APBB2: variants seen among roughly 807,000 people sequenced by gnomAD.
The protein encoded by APBB2 is Fe65-like 1.
In APBB2, 38 loss-of-function variants were observed where a neutral mutation model predicts 82.5. The observed-to-expected ratio is 0.46, with a 90% CI of 0.36 to 0.60. The LOEUF is 0.60. Ranked by LOEUF, APBB2 falls within the 20% of genes least tolerant of loss-of-function variation. The pLI is 0.00. For synonymous variants in APBB2, 341 were observed against 368.2 expected, an observed-to-expected ratio of 0.93 and a Z score of 0.85; for missense variants, 772 against 972.3, an observed-to-expected ratio of 0.79 and a Z score of 2.74.
chr4:40,822,141 AGCCAG>A, intron 16 of APBB2, 91 bp from the exon 17 acceptor site: 1 of 1,454,340 alleles, frequency 6.9e-7, no homozygotes, highest in East Asian at 2.3e-5. Context: ...CAGAAAGTAT[AGCCAG>A]GCCGAATTCA....
chr4:41,071,179 T>C (rs1333324860), intron 3 of APBB2, among the ~76,000 whole-genome samples: 2 of 152,238 alleles, frequency 1.3e-5, no homozygotes, highest in African/African-American at 4.8e-5. Context: ...TGCTTAAGCA[T>C]TTCCTGCTGT....
chr4:40,933,066 G>A (rs1319474442), intron 10 of APBB2, among the ~76,000 whole-genome samples: 1 of 152,208 alleles, frequency 6.6e-6, no homozygotes, highest in Non-Finnish European at 1.5e-5. Context: ...GTTTCACCAT[G>A]TTGGCCAGTC....
chr4:40,943,276 C>T (rs750724675), intron 7 of APBB2, among the ~76,000 whole-genome samples: 6 of 152,212 alleles, frequency 3.9e-5, no homozygotes, highest in Non-Finnish European at 8.8e-5. Context: ...GGTGCCTTCA[C>T]ACCCTGGTGT....
intron 10 of APBB2, among the ~76,000 whole-genome samples, chr4:40,928,428 A>ACAT (rs201061451): frequency 1.8e-5 from 1 of 54,082 alleles, no homozygotes; most frequent in Admixed American, 1.4e-4. Context: ...ACACACACAC[A>ACAT]ATCAGCCAGG....
intron 6 of APBB2, among the ~76,000 whole-genome samples, chr4:40,970,867 A>G (rs1795775305): frequency 6.6e-6 from 1 of 152,046 alleles, no homozygotes; most frequent in Non-Finnish European, 1.5e-5. Flanking sequence ...GTCCAGCAAA[A>G]CCAAAGACTG....
chr4:41,062,616 G>C (rs1400066143), intron 4 of APBB2, among the ~76,000 whole-genome samples: 1 of 152,152 alleles, frequency 6.6e-6, no homozygotes, highest in Non-Finnish European at 1.5e-5. Flanking sequence ...GAAACCATGA[G>C]AGGGTACGAA....
At chr4:41,059,426 T>C (rs1728969072) in intron 4 of APBB2, among the ~76,000 whole-genome samples, 1 of 152,230 alleles carries the variant, frequency 6.6e-6, no homozygotes, top group East Asian at 1.9e-4. Context: ...GGCCATAAAC[T>C]GGCCCCAAGA....
intron 10 of APBB2, among the ~76,000 whole-genome samples, chr4:40,895,733 TCA>T (rs1425027530): frequency 2.0e-5 from 3 of 152,154 alleles, no homozygotes; most frequent in Non-Finnish European, 2.9e-5. Context: ...GTCAGTAAAA[TCA>T]CAGTGTCCCA....
chr4:41,127,258 CTTT>C lies in APBB2; in HGVS notation c.-261+15726_-261+15728del, dbSNP rs1754661785. Reference sequence around the variant, plus strand: ...ACACCAAACAACCATAATGAAAAGTCTTTTGGGGAAACCCAAAGATTTCTAAGC... The same window carrying C: ...ACACCAAACAACCATAATGAAAAGTCTGGGGAAACCCAAAGATTTCTAAGC... On this transcript the variant is annotated intron_variant, in intron 2 of 17. Transcript: ENST00000508593. This position sits in a 1 kb window ranked among gnomAD's most constrained non-coding sequence, Gnocchi z 4.8. Among the ~76,000 whole-genome samples, 1 of 152,012 alleles carries C rather than the reference CTTT, an allele frequency of 6.6e-6. No individual in the cohort carries two copies. Among genetic ancestry groups the C allele is most frequent in the African/African-American group, 2.4e-5 (1 of 41,398 alleles).
chr4:41,152,854 T>C (rs1762613879), intron 1 of APBB2, among the ~76,000 whole-genome samples: 1 of 152,236 alleles, frequency 6.6e-6, no homozygotes, highest in African/African-American at 2.4e-5. Context: ...ACTGGTGGAA[T>C]GCAGGCTCTT....
intron 6 of APBB2, among the ~76,000 whole-genome samples, chr4:40,951,458 G>A (rs947635360): frequency 2.6e-5 from 4 of 152,250 alleles, no homozygotes; most frequent in Non-Finnish European, 5.9e-5. Context: ...TGGCTCCAAT[G>A]AGACCAGGAA....
At chr4:41,033,584 TCACACACACA>T (rs71915197) in intron 4 of APBB2, among the ~76,000 whole-genome samples, 4 of 130,768 alleles carry the variant, frequency 3.1e-5, no homozygotes, top group Admixed American at 7.8e-5. Flanking sequence ...CTTTTTCTCA[TCACACACACA>T]CACACACACA....
At chr4:41,038,202 T>C (rs1719991623) in intron 4 of APBB2, among the ~76,000 whole-genome samples, 2 of 142,822 alleles carry the variant, frequency 1.4e-5, no homozygotes, top group Admixed American at 1.4e-4. Context: ...AAAAGCACCA[T>C]TAAGCAAACA....
At chr4:40,878,873 T>G (rs2154344715) in intron 12 of APBB2, among the ~76,000 whole-genome samples, 1 of 152,284 alleles carries the variant, frequency 6.6e-6, no homozygotes, top group South Asian at 2.1e-4. Flanking sequence ...GGCATTTCCG[T>G]CCTCTGGCTG....
intron 12 of APBB2, among the ~76,000 whole-genome samples, chr4:40,850,263 A>G (rs1034750861): frequency 6.6e-6 from 1 of 152,140 alleles, no homozygotes; most frequent in East Asian, 1.9e-4. Context: ...GGTGGGGACC[A>G]CTGTGCCCGG....
intron 12 of APBB2, among the ~76,000 whole-genome samples, chr4:40,852,704 G>A (rs1285861418): frequency 4.6e-5 from 7 of 151,972 alleles, no homozygotes; most frequent in Middle Eastern, 3.4e-3. Context: ...GCAGTGGCGC[G>A]ATCTCAGCTC....
intron 12 of APBB2, chr4:40,881,179 A>AT (rs1768377706): frequency 1.0e-6 from 1 of 985,336 alleles, no homozygotes; most frequent in Non-Finnish European, 1.2e-6. Context: ...ATGGAGCTGC[A>AT]TTAAAGAGAA....
intron 12 of APBB2, among the ~76,000 whole-genome samples, chr4:40,851,734 ATATATTT>A (rs1380376585): frequency 3.3e-5 from 2 of 61,032 alleles, no homozygotes; most frequent in South Asian, 7.1e-4. Context: ...ATATATATAT[ATATATTT>A]TTTTTTTTTT....
At chr4:40,908,913 C>CT (rs1777820549) in intron 10 of APBB2, among the ~76,000 whole-genome samples, 1 of 152,184 alleles carries the variant, frequency 6.6e-6, no homozygotes, top group Admixed American at 6.5e-5. Flanking sequence ...GCAAGGAGGC[C>CT]TATGGAGGCA....
Sources: gnomAD v4.1 joint callset for allele counts (sites outside exome capture counted in the v4.1 genomes callset) on GRCh38, gnomAD v4.1.1 for gene constraint, Gnocchi (gnomAD v3.1) non-coding constraint, MANE v1.5 for transcripts, NCBI Gene and HGNC (gene_info 2026-07-23, HGNC 2026-07-21) for gene names.